Variants in NOL4 observed in about 807,000 individuals in gnomAD.
The protein encoded by NOL4 is nucleolar protein 4, also known as cancer/testis antigen 125.
Under a neutral mutation model 75.9 loss-of-function variants are expected in NOL4, and 17 were observed. The ratio of observed to expected loss-of-function variants is 0.22; its 90% CI spans 0.15 to 0.34. NOL4 has a LOEUF of 0.34. Among genes scored for constraint, NOL4 ranks in the 10% least tolerant of loss-of-function variants. The pLI is 1.00. For synonymous variants in NOL4, 292 were observed against 289.9 expected (o/e 1.01, Z -0.07); for missense variants, 614 against 793.5 (o/e 0.77, Z 2.72).
chr18:33,858,862 C>G (rs1024721123), intron 10 of NOL4, among the ~76,000 whole-genome samples: 1 of 151,986 alleles, frequency 6.6e-6, no homozygotes, highest in African/African-American at 2.4e-5. Flanking sequence ...GTTACAAGTT[C>G]ATTTGGAATA....
At chr18:34,149,523 GA>G (rs1014916035) in intron 1 of NOL4, among the ~76,000 whole-genome samples, 7 of 151,522 alleles carry the variant, frequency 4.6e-5, no homozygotes, top group African/African-American at 1.7e-4. Context: ...AAATTAATCA[GA>G]ATAGCTATGA....
intron 5 of NOL4, among the ~76,000 whole-genome samples, chr18:34,029,402 C>T (rs1250322193): frequency 6.6e-6 from 1 of 152,094 alleles, no homozygotes; most frequent in Non-Finnish European, 1.5e-5. Flanking sequence ...TACTAGGTGC[C>T]ACTAAAGAGT....
chr18:34,008,673 C>A (rs538249751), intron 6 of NOL4, among the ~76,000 whole-genome samples: 1 of 151,994 alleles, frequency 6.6e-6, no homozygotes, highest in East Asian at 1.9e-4. Context: ...ATGATGCAAT[C>A]CTCCTTAATC....
chr18:34,152,126 G>T (rs2081667959), intron 1 of NOL4, among the ~76,000 whole-genome samples: 1 of 151,606 alleles, frequency 6.6e-6, no homozygotes, highest in Non-Finnish European at 1.5e-5. Flanking sequence ...CCAAGGATAG[G>T]AAATGAAACA....
At chr18:33,962,869 C>T (rs533086220) in intron 6 of NOL4, among the ~76,000 whole-genome samples, 1 of 152,246 alleles carries the variant, frequency 6.6e-6, no homozygotes, top group Non-Finnish European at 1.5e-5. Context: ...CCAGTTGGAA[C>T]AGTAAAAAAT....
intron 6 of NOL4, among the ~76,000 whole-genome samples, chr18:33,967,044 G>GC (rs2070662312): frequency 6.6e-6 from 1 of 152,044 alleles, no homozygotes; most frequent in Admixed American, 6.6e-5. Context: ...AAAAAACAAA[G>GC]CCAGAGGCAT....
intron 6 of NOL4, among the ~76,000 whole-genome samples, chr18:33,994,070 C>A (rs62097810): frequency 0.071 from 10,754 of 151,678 alleles, 537 homozygotes; most frequent in Non-Finnish European, 0.092. Context: ...AGACATCTTA[C>A]AATGACAAAA....
At chr18:34,184,426 G>A (rs1260735516) in intron 1 of NOL4, among the ~76,000 whole-genome samples, 1 of 152,044 alleles carries the variant, frequency 6.6e-6, no homozygotes, top group Non-Finnish European at 1.5e-5. Context: ...AGAGCATTTA[G>A]AAGGGATAAC....
chr18:34,153,239 C>T (rs2081734134), intron 1 of NOL4, among the ~76,000 whole-genome samples: 1 of 151,798 alleles, frequency 6.6e-6, no homozygotes, highest in South Asian at 2.1e-4. Flanking sequence ...TACACTATTT[C>T]CAATATTTAT....
At chr18:33,976,249 T>G (rs1032530071) in intron 6 of NOL4, among the ~76,000 whole-genome samples, 1 of 152,178 alleles carries the variant, frequency 6.6e-6, no homozygotes, top group Non-Finnish European at 1.5e-5. Context: ...ATATGGTTAT[T>G]GAAGGTTTTC....
intron 5 of NOL4, among the ~76,000 whole-genome samples, chr18:34,079,792 T>G (rs1257318284): frequency 6.6e-6 from 1 of 152,242 alleles, no homozygotes; most frequent in Non-Finnish European, 1.5e-5. Flanking sequence ...TTGCTCCTAT[T>G]TAAAGCCAAG....
intron 1 of NOL4, among the ~76,000 whole-genome samples, chr18:34,203,869 C>T (rs904630441): frequency 6.6e-6 from 1 of 151,792 alleles, no homozygotes; most frequent in African/African-American, 2.4e-5. Flanking sequence ...AAGTCTTGGT[C>T]CCATATGACC....
At chr18:34,165,357 G>A (rs1348477198) in intron 1 of NOL4, among the ~76,000 whole-genome samples, 1 of 152,120 alleles carries the variant, frequency 6.6e-6, no homozygotes, top group Non-Finnish European at 1.5e-5. Context: ...GTTCCAGTGT[G>A]TAGATGTTTA....
chr18:34,110,731 G>T (rs183935268), intron 2 of NOL4, among the ~76,000 whole-genome samples: 7 of 152,060 alleles, frequency 4.6e-5, no homozygotes, highest in Admixed American at 2.6e-4. Context: ...TTGAAAGAAA[G>T]AAATAAAATT....
At chr18:34,137,744 A>G (rs1168584586) in intron 1 of NOL4, among the ~76,000 whole-genome samples, 1 of 151,084 alleles carries the variant, frequency 6.6e-6, no homozygotes, top group Non-Finnish European at 1.5e-5. Context: ...GACTTACCAG[A>G]CGACTTGGTA....
intron 1 of NOL4, among the ~76,000 whole-genome samples, chr18:34,159,445 C>T (rs1361441490): frequency 6.6e-6 from 1 of 152,162 alleles, no homozygotes; most frequent in African/African-American, 2.4e-5. Context: ...GCAGGAGACG[C>T]GGGCTCGAAG....
chr18:33,961,068 A>G (rs1214801864), intron 6 of NOL4, among the ~76,000 whole-genome samples: 1 of 151,974 alleles, frequency 6.6e-6, no homozygotes. Flanking sequence ...TAATAACTTC[A>G]CAGAAGAACT....
intron 4 of NOL4, among the ~76,000 whole-genome samples, chr18:34,099,744 A>T (rs2078957953): frequency 6.6e-6 from 1 of 151,948 alleles, no homozygotes; most frequent in Non-Finnish European, 1.5e-5. Context: ...GATCTCACTT[A>T]TATTCTTATG....
chr18:34,178,144 CTATTGA>C (rs2033716313), intron 1 of NOL4, among the ~76,000 whole-genome samples: 1 of 151,526 alleles, frequency 6.6e-6, no homozygotes, highest in African/African-American at 2.4e-5. Flanking sequence ...GTTTTATATA[CTATTGA>C]TATTATGTTG....
Sources: gnomAD v4.1 joint callset for allele counts (sites outside exome capture counted in the v4.1 genomes callset) on GRCh38, gnomAD v4.1.1 for gene constraint, MANE v1.5 for transcripts, NCBI Gene and HGNC (gene_info 2026-07-23, HGNC 2026-07-21) for gene names.